Variants in TTC39B observed in about 807,000 individuals in gnomAD.
TTC39B encodes the protein tetratricopeptide repeat domain 39B, also known as tetratricopeptide repeat protein 39B.
TTC39B carries 92 observed loss-of-function variants against 96.6 expected under a neutral mutation model. The observed-to-expected ratio is 0.95, with a 90% CI of 0.80 to 1.13. The LOEUF (loss-of-function observed/expected upper bound fraction) is 1.13, where lower values mean the gene tolerates loss of function less well. TTC39B is among the 50% of genes most tolerant of loss of function. TTC39B has a pLI of 0.00. For synonymous variants in TTC39B, 367 were observed against 299.4 expected (o/e 1.23, Z -2.33); for missense variants, 955 against 809.3 (o/e 1.18, Z -2.18).
At chr9:15,227,215 G>A (rs1041182438) in intron 2 of TTC39B, among the ~76,000 whole-genome samples, 7 of 151,902 alleles carry the variant, frequency 4.6e-5, no homozygotes, top group Admixed American at 3.9e-4. Context: ...GCTGAGTCAG[G>A]GAGAATCGCT....
At chr9:15,282,871 T>C (rs1823819004) in intron 1 of TTC39B, among the ~76,000 whole-genome samples, 1 of 152,216 alleles carries the variant, frequency 6.6e-6, no homozygotes, top group Non-Finnish European at 1.5e-5. Context: ...TCATTAAAGC[T>C]TTTAAAATGA....
intron 3 of TTC39B, among the ~76,000 whole-genome samples, chr9:15,215,385 C>T (rs541321203): frequency 6.6e-6 from 1 of 151,856 alleles, no homozygotes; most frequent in South Asian, 2.1e-4. Context: ...TGGTGAAACC[C>T]CGTCTCTACT....
chr9:15,266,612 C>A (rs191005516), intron 2 of TTC39B, among the ~76,000 whole-genome samples: 9 of 152,230 alleles, frequency 5.9e-5, no homozygotes, highest in African/African-American at 1.9e-4. Context: ...TGATAATACT[C>A]CTGTGGAAGT....
At chr9:15,200,977 G>A (rs1478121756) in intron 7 of TTC39B, among the ~76,000 whole-genome samples, 3 of 152,096 alleles carry the variant, frequency 2.0e-5, no homozygotes, top group Non-Finnish European at 4.4e-5. Flanking sequence ...CCAGCCTGGT[G>A]ACAGAGCGAG....
intron 2 of TTC39B, among the ~76,000 whole-genome samples, chr9:15,261,932 A>T (rs960761252): frequency 1.3e-5 from 2 of 152,216 alleles, no homozygotes; most frequent in Admixed American, 1.3e-4. Context: ...ACCAGCATGG[A>T]ACTGTTAAAT....
chr9:15,270,644 G>C (rs916366495), intron 1 of TTC39B, among the ~76,000 whole-genome samples: 15 of 151,828 alleles, frequency 9.9e-5, no homozygotes, highest in Non-Finnish European at 1.9e-4. Flanking sequence ...ATCAAGCCAG[G>C]TGGTGCACAC....
chr9:15,220,782 G>A (rs913004642), intron 3 of TTC39B, among the ~76,000 whole-genome samples: 1 of 152,108 alleles, frequency 6.6e-6, no homozygotes, highest in Admixed American at 6.5e-5. Flanking sequence ...TTTGAAGGGT[G>A]CTGGCAATTA....
chr9:15,234,930 A>G (rs1043493661), intron 2 of TTC39B, among the ~76,000 whole-genome samples: 9 of 151,716 alleles, frequency 5.9e-5, no homozygotes, highest in African/African-American at 2.2e-4. Context: ...AAAACCAGAG[A>G]CCTTTGTTCA....
intron 6 of TTC39B, among the ~76,000 whole-genome samples, chr9:15,207,725 C>G (rs1819946889): frequency 6.6e-6 from 1 of 151,996 alleles, no homozygotes; most frequent in Non-Finnish European, 1.5e-5. Context: ...GTGGCTCACA[C>G]CTGTAATCCC....
chr9:15,187,800 G>A (rs865998736), intron 14 of TTC39B, among the ~76,000 whole-genome samples, 171 bp downstream of exon 14: 7 of 152,206 alleles, frequency 4.6e-5, no homozygotes, highest in African/African-American at 1.7e-4. Context: ...ATGCAATGCT[G>A]AGGACAGTAC....
intron 2 of TTC39B, among the ~76,000 whole-genome samples, chr9:15,243,578 T>C (rs373079898): frequency 6.6e-6 from 1 of 152,256 alleles, no homozygotes; most frequent in East Asian, 1.9e-4. Flanking sequence ...TCATAGTACC[T>C]GGCTTTAACT....
At chr9:15,167,947 C>G (rs899062248) in exon 20 of TTC39B, 1 of 152,058 alleles carries the variant, frequency 6.6e-6, no homozygotes, top group Non-Finnish European at 1.5e-5. Context: ...TCAAATATGC[C>G]AATGACACTG....
At chr9:15,194,440 GGTAA>G (rs1419674927) in intron 8 of TTC39B, among the ~76,000 whole-genome samples, 1 of 152,102 alleles carries the variant, frequency 6.6e-6, no homozygotes, top group African/African-American at 2.4e-5. Context: ...TGAATTCCCA[GGTAA>G]GTATGTGCGT....
intron 2 of TTC39B, among the ~76,000 whole-genome samples, chr9:15,238,940 C>T (rs552948831): frequency 4.2e-4 from 64 of 152,236 alleles, no homozygotes; most frequent in Admixed American, 1.8e-3. Context: ...GAGCCAAGAT[C>T]GCACCACTGC....
At chr9:15,305,051 A>G (rs1824713563) in intron 1 of TTC39B, among the ~76,000 whole-genome samples, 1 of 152,070 alleles carries the variant, frequency 6.6e-6, no homozygotes, top group South Asian at 2.1e-4. Flanking sequence ...AAATACGTGA[A>G]AAGCTTCCTA....
At chr9:15,276,811 G>T (rs1406647105) in intron 1 of TTC39B, among the ~76,000 whole-genome samples, 1 of 152,140 alleles carries the variant, frequency 6.6e-6, no homozygotes, top group Non-Finnish European at 1.5e-5. Flanking sequence ...CGCCCACTGG[G>T]ATTGTAAGGA....
chr9:15,302,594 A>T (rs976755918), intron 1 of TTC39B, among the ~76,000 whole-genome samples: 2 of 141,286 alleles, frequency 1.4e-5, no homozygotes, highest in Non-Finnish European at 3.0e-5. Context: ...CTGTAATCCC[A>T]GCACTTTGAG....
At chr9:15,284,366 C>T (rs1386702341) in intron 1 of TTC39B, among the ~76,000 whole-genome samples, 1 of 152,210 alleles carries the variant, frequency 6.6e-6, no homozygotes, top group African/African-American at 2.4e-5. Context: ...ATTGACACAG[C>T]AATACTACTT....
chr9:15,203,958 A>G (rs1819694948), intron 6 of TTC39B, 68 bp from the exon 7 acceptor site: 9 of 1,431,134 alleles, frequency 6.3e-6, no homozygotes, highest in Non-Finnish European at 8.5e-6. Context: ...TGTGATGTTC[A>G]GGAAAGACTG....
Sources: gnomAD v4.1 joint callset for allele counts (sites outside exome capture counted in the v4.1 genomes callset) on GRCh38, gnomAD v4.1.1 for gene constraint, MANE v1.5 for transcripts, NCBI Gene and HGNC (gene_info 2026-07-23, HGNC 2026-07-21) for gene names.